The following TPTE2 variants were observed in gnomAD, a reference collection of about 807,000 sequenced individuals.
TPTE2 encodes the protein transmembrane phosphoinositide 3-phosphatase and tensin homolog 2, also known as phosphatidylinositol 3,4,5-trisphosphate 3-phosphatase TPTE2.
TPTE2 carries 53 observed loss-of-function variants against 78.6 expected under a neutral mutation model. The observed-to-expected ratio is 0.67, with a 90% CI of 0.54 to 0.85. The LOEUF (loss-of-function observed/expected upper bound fraction) is 0.85, where lower values mean the gene tolerates loss of function less well. Ranked by LOEUF, TPTE2 falls within the 40% of genes least tolerant of loss-of-function variation. The pLI is 0.00. For missense variants in TPTE2, 461 were observed against 623.0 expected (o/e 0.74, Z 2.77); for synonymous variants, 175 against 206.2 (o/e 0.85, Z 1.30).
chr13:19,525,306 G>T lies in TPTE2; in HGVS notation c.-44+11290C>A, dbSNP rs569149309. Among the ~76,000 whole-genome samples, 55 of 152,228 alleles carry T rather than the reference G, an allele frequency of 3.6e-4. No homozygotes were observed. The South Asian group carries it at 0.011, about 30-fold the overall frequency. On this transcript the variant is annotated intron_variant, in intron 1 of 17. Transcript: ENST00000390680. ...TACCTGACTTCAAACCATCTACAAG[G>T]CTACAGTGAGCAAAACAGCATGGCA...
intron 1 of TPTE2, among the ~76,000 whole-genome samples, chr13:19,527,658 T>C (rs1473076962): frequency 1.3e-5 from 2 of 152,096 alleles, no homozygotes; most frequent in Non-Finnish European, 2.9e-5. Context: ...GCACATCACT[T>C]GAGCTCAAGA....
At chr13:19,487,315 G>C (rs959468222) in intron 3 of TPTE2, among the ~76,000 whole-genome samples, 12 of 152,032 alleles carry the variant, frequency 7.9e-5, no homozygotes, top group Non-Finnish European at 1.6e-4. Flanking sequence ...GCCTGCTAGG[G>C]GCAGCCTGTG....
Position 19,499,708 on chromosome 13 carries a change from A to T in TPTE2, c.11+3516T>A, listed in dbSNP as rs372869679. ...CACAAGAGAAAGCAGGAAAGATCCA[A>T]AATTGACACCCTAACATCACAATTA... On this transcript the variant is annotated intron_variant, in intron 1 of 19. Coordinates refer to ENST00000400230, the Ensembl canonical transcript of TPTE2. Among the ~76,000 whole-genome samples the T allele has an allele frequency of 1.2e-3, 162 of 133,258 alleles. 2 individuals are homozygous for T. In the East Asian group the frequency reaches 0.028, roughly 23 times the overall value. 87.4% of individuals were successfully genotyped at this position (133,258 alleles called of 152,430 possible). A position where few individuals can be genotyped will look rare whatever the true frequency, so the allele number is the denominator to read the frequency against.
chr13:19,555,122 G>A, the TPTE2 span, among the ~76,000 whole-genome samples: 1 of 152,256 alleles, frequency 6.6e-6, no homozygotes, highest in East Asian at 1.9e-4. Flanking sequence ...TATGCCTGAC[G>A]CTCTCTCAGA....
At chr13:19,506,421 C>T (rs1869050062), upstream of TPTE2, among the ~76,000 whole-genome samples, 1 of 151,932 alleles carries the variant, frequency 6.6e-6, no homozygotes, top group Non-Finnish European at 1.5e-5. Context: ...GATCCGCCCG[C>T]CTTGGCCTCC....
chr13:19,478,359 C>T (rs1291194905), intron 4 of TPTE2, among the ~76,000 whole-genome samples: 3 of 152,156 alleles, frequency 2.0e-5, no homozygotes, highest in Non-Finnish European at 4.4e-5. Context: ...AGGATATGAA[C>T]AGACACTTCT....
intron 16 of TPTE2, 27 bp from the exon 20 acceptor site, chr13:19,430,574 G>T: frequency 6.5e-7 from 1 of 1,544,082 alleles, no homozygotes; most frequent in Non-Finnish European, 8.9e-7. Flanking sequence ...AAATTAAAAA[G>T]TTAGGTTGGT....
At chr13:19,481,867 T>C (rs1429617185) in intron 4 of TPTE2, among the ~76,000 whole-genome samples, 4 of 152,110 alleles carry the variant, frequency 2.6e-5, no homozygotes, top group Non-Finnish European at 5.9e-5. Context: ...AGCTGGTGAA[T>C]GGTTATACAA....
intron 17 of TPTE2, among the ~76,000 whole-genome samples, chr13:19,429,820 T>C (rs949183392): frequency 6.6e-6 from 1 of 152,146 alleles, no homozygotes; most frequent in Non-Finnish European, 1.5e-5. Flanking sequence ...TCAGAAAAGG[T>C]ATATAGTTTT....
intron 4 of TPTE2, among the ~76,000 whole-genome samples, chr13:19,480,679 G>C (rs1039043619): frequency 2.1e-4 from 32 of 152,252 alleles, no homozygotes; most frequent in African/African-American, 7.7e-4. Flanking sequence ...GTGTGTCAAA[G>C]AATGTGCATT....
chr13:19,461,502 C>T (rs114829251), intron 10 of TPTE2, among the ~76,000 whole-genome samples: 3,755 of 152,206 alleles, frequency 0.025, 119 homozygotes, highest in African/African-American at 0.072. Context: ...TACAGCACTA[C>T]AGAACACCAG....
intron 10 of TPTE2, among the ~76,000 whole-genome samples, chr13:19,456,344 G>T (rs1447526201): frequency 6.6e-6 from 1 of 152,120 alleles, no homozygotes; most frequent in Non-Finnish European, 1.5e-5. Context: ...AATTAGCCAA[G>T]TGTGGTGATG....
intron 4 of TPTE2, among the ~76,000 whole-genome samples, chr13:19,481,137 G>A (rs1359552025): frequency 6.6e-6 from 1 of 152,186 alleles, no homozygotes; most frequent in East Asian, 1.9e-4. Context: ...TATGCCTAAA[G>A]AACTTAGAAG....
the TPTE2 span, among the ~76,000 whole-genome samples, chr13:19,547,247 A>G: frequency 2.0e-5 from 3 of 152,210 alleles, no homozygotes; most frequent in Non-Finnish European, 2.9e-5. Context: ...GCTTGAGTCC[A>G]GGAGTTCAAG....
chr13:19,559,311 A>C, the TPTE2 span, among the ~76,000 whole-genome samples: 2 of 152,218 alleles, frequency 1.3e-5, no homozygotes, highest in Non-Finnish European at 2.9e-5. Flanking sequence ...TGCAGCAAAT[A>C]TACATTAAAA....
chr13:19,510,293 G>T (rs1367730549), intron 1 of TPTE2, among the ~76,000 whole-genome samples: 1 of 152,084 alleles, frequency 6.6e-6, no homozygotes, highest in African/African-American at 2.4e-5. Context: ...AGGTTTATTT[G>T]GCTCACAGTT....
At chr13:19,424,865 A>G in intron 19 of TPTE2, 82 bp downstream of exon 22, 1 of 903,998 alleles carries the variant, frequency 1.1e-6, no homozygotes, top group East Asian at 2.9e-5. Flanking sequence ...GTTTATGACA[A>G]CCAGCAAAAG....
chr13:19,472,324 G>C (rs1347242040), intron 6 of TPTE2, among the ~76,000 whole-genome samples: 3 of 152,052 alleles, frequency 2.0e-5, no homozygotes, highest in African/African-American at 7.2e-5. Context: ...CTATTTTCTA[G>C]ATCCTGTAGG....
At chr13:19,425,720 C>T (rs1260311328) in intron 18 of TPTE2, 1 of 515,978 alleles carries the variant, frequency 1.9e-6, no homozygotes, top group Non-Finnish European at 3.9e-6. Flanking sequence ...CCAATAAAGG[C>T]TTCCACTCTC....
Sources: allele counts gnomAD v4.1 joint callset (sites outside exome capture counted in the v4.1 genomes callset), GRCh38; gene constraint gnomAD v4.1.1; transcripts MANE v1.5; gene names NCBI Gene and HGNC (gene_info 2026-07-23, HGNC 2026-07-21).